TBX1: variants seen among roughly 807,000 people sequenced by gnomAD.
TBX1 encodes T-box transcription factor 1.
TBX1 carries 16 observed loss-of-function variants against 40.8 expected under a neutral mutation model. The observed-to-expected ratio is 0.39, with a 90% CI of 0.27 to 0.60. TBX1 has a LOEUF of 0.60. Ranked by LOEUF, TBX1 falls within the 20% of genes least tolerant of loss-of-function variation. The pLI is 0.51. For missense variants in TBX1, 755 were observed against 728.5 expected (o/e 1.04, Z -0.42); for synonymous variants, 403 against 336.8 (o/e 1.20, Z -2.15).
downstream of TBX1, among the ~76,000 whole-genome samples, chr22:19,770,716 G>T (rs897169126): frequency 1.3e-5 from 2 of 152,216 alleles, no homozygotes; most frequent in African/African-American, 4.8e-5. Flanking sequence ...TGAGGCTGAG[G>T]CCCTGATCTC....
downstream of TBX1, among the ~76,000 whole-genome samples, chr22:19,771,195 G>T (rs1936984563): frequency 6.6e-6 from 1 of 152,202 alleles, no homozygotes; most frequent in African/African-American, 2.4e-5. Flanking sequence ...TGCAGAGCCT[G>T]GCCAAGGAGC....
chr22:19,769,476 C>T (rs929499858), downstream of TBX1, among the ~76,000 whole-genome samples: 1 of 152,246 alleles, frequency 6.6e-6, no homozygotes, highest in Non-Finnish European at 1.5e-5. Context: ...AATGAGAGCT[C>T]GCAGGCCGGC....
intron 2 of TBX1, 33 bp downstream of exon 2, chr22:19,763,375 G>C: frequency 6.2e-7 from 1 of 1,606,420 alleles, no homozygotes; most frequent in South Asian, 1.1e-5. Context: ...GAGGGACCGG[G>C]AGGGCACCCT....
chr22:19,783,373 T>A (rs1009727340), downstream of TBX1: 4 of 351,680 alleles, frequency 1.1e-5, no homozygotes, highest in African/African-American at 8.5e-5. Context: ...GGGACAGATG[T>A]GCTGCTGTTC....
rs764197422 is a variant in TBX1, at chr22:19,766,754, G to T, written c.1402G>T (p.Val468Leu). 2 of 1,527,996 alleles carry T rather than the reference G, an allele frequency of 1.3e-6. No homozygotes were observed. The highest frequency in any genetic ancestry group is 2.4e-5 in the South Asian group (2 of 83,442). The allele number at this position is 1,527,996 out of a possible 1,614,324, so 94.7% of individuals were successfully genotyped here. A position where few individuals can be genotyped will look rare whatever the true frequency, so the allele number is the denominator to read the frequency against. ...GCATCCGCACCACCACCACCACCCC[G>T]TGAGTCCAGCCGCCGCGGCCGCCGC... ...HAHPHHHHHP[V>L]SPAAAAAAAA... is the part of the protein sequence containing the mutation. Residue 468 changes from valine (V) to leucine (L), a missense_variant, in exon 7 of 7, where the codon GTG becomes TTG. Coordinates refer to ENST00000649276, the MANE Select transcript of TBX1 (RefSeq NM_001379200.1).
At chr22:19,763,372 C>A (rs374329157) in intron 2 of TBX1, 30 bp downstream of exon 2, 2 of 1,606,010 alleles carry the variant, frequency 1.2e-6, no homozygotes, top group African/African-American at 1.3e-5. Flanking sequence ...CGTGAGGGAC[C>A]GGGAGGGCAC....
Position 19,766,890 on chromosome 22 carries a change from C to T in TBX1, c.*23C>T, listed in dbSNP as rs760927067. On this transcript the variant is annotated 3_prime_UTR_variant, in exon 7 of 7. Coordinates refer to ENST00000649276, the MANE Select transcript of TBX1 (RefSeq NM_001379200.1). ...TAACACGGGCCCTGTCGCGCTCCCG[C>T]CCCGGTCCTGCACAGCCCCGAAGTT... 1.3e-5 allele frequency: 21 copies of T among 1,583,498 alleles called. No homozygotes were observed. The South Asian group carries it at 1.9e-4, about 14-fold the overall frequency.
Position 19,764,354 on chromosome 22 carries a change from T to A in TBX1, c.711+28T>A, listed in dbSNP as rs572452193. 8.6e-5 allele frequency: 138 copies of A among 1,605,200 alleles called. 2 individuals carry two copies. The South Asian group carries it at 1.4e-3, about 16-fold the overall frequency. ...GAGCGACTGCCTCCCCAGGCTCCGG[T>A]GTCCCCCAAGGCCTCGAGTCCCGAG... On this transcript the variant is annotated intron_variant, in intron 3 of 6. Coordinates refer to ENST00000649276, the MANE Select transcript of TBX1 (RefSeq NM_001379200.1).
At position 19,760,781 on chromosome 22, in the gene TBX1, C is replaced by T. The variant is rs1488379755; in HGVS notation, c.-63C>T. 2 of 449,852 alleles carry T rather than the reference C, an allele frequency of 4.4e-6. No homozygotes were observed. Among genetic ancestry groups the T allele is most frequent in the Admixed American group, 8.5e-5 (1 of 11,702 alleles). The allele number at this position is 449,852 out of a possible 1,614,324, so 27.9% of individuals were successfully genotyped here. Reference sequence around the variant, plus strand: ...CGCACGCAGCGCGGCGCCCGCCACTCGGCCCGCGGCGCGGGGCAGCGCTCA... The same window carrying T: ...CGCACGCAGCGCGGCGCCCGCCACTTGGCCCGCGGCGCGGGGCAGCGCTCA... On this transcript the variant is annotated 5_prime_UTR_variant, in exon 1 of 7. Coordinates refer to ENST00000649276, the MANE Select transcript of TBX1 (RefSeq NM_001379200.1).
downstream of TBX1, among the ~76,000 whole-genome samples, chr22:19,781,087 T>C (rs1384960582): frequency 6.6e-6 from 1 of 152,118 alleles, no homozygotes; most frequent in Non-Finnish European, 1.5e-5. Context: ...CGGCCCTGTT[T>C]TGTTTTTATT....
At chr22:19,767,403 G>A (rs1936902028), downstream of TBX1, 8 of 985,790 alleles carry the variant, frequency 8.1e-6, no homozygotes, top group Non-Finnish European at 9.6e-6. Context: ...AGCGAGCCCG[G>A]GGTAGCTCAG....
chr22:19,764,409 A>G, intron 3 of TBX1, 83 bp downstream of exon 3: 2 of 1,560,670 alleles, frequency 1.3e-6, no homozygotes, highest in Non-Finnish European at 1.7e-6. Context: ...AGGCCTGTAG[A>G]ATCCCCAGGC....
In TBX1 at chr22:19,767,118, G is replaced by A; in HGVS notation, c.*251G>A. 1 of 1,243,528 alleles carries A rather than the reference G, an allele frequency of 8.0e-7. No homozygotes were observed. Among genetic ancestry groups the A allele is most frequent in the Non-Finnish European group, 1.0e-6 (1 of 994,966 alleles). The allele number at this position is 1,243,528 out of a possible 1,614,324, so 77.0% of individuals were successfully genotyped here. ...TTCCCCGGCCCCGAGGGCCAAGGGG[G>A]TCCCCGCCCGCCAGTGCCAAAGCGC... On this transcript the variant is annotated 3_prime_UTR_variant, in exon 7 of 7. Coordinates refer to ENST00000649276, the MANE Select transcript of TBX1 (RefSeq NM_001379200.1).
chr22:19,768,731 G>C (rs1056708687), downstream of TBX1, among the ~76,000 whole-genome samples: 1 of 152,134 alleles, frequency 6.6e-6, no homozygotes, highest in South Asian at 2.1e-4. Context: ...CGAGACCTCC[G>C]CCTTGGTTTT....
chr22:19,766,882 C>G lies in TBX1; in HGVS notation c.*15C>G. The G allele has an allele frequency of 3.2e-6, 5 of 1,584,610 alleles. No homozygotes were observed. Among genetic ancestry groups the G allele is most frequent in the Non-Finnish European group, 4.3e-6 (5 of 1,173,700 alleles). ...GCCCCAGATAACACGGGCCCTGTCG[C>G]GCTCCCGCCCCGGTCCTGCACAGCC... On this transcript the variant is annotated 3_prime_UTR_variant, in exon 7 of 7. Transcript: ENST00000649276.
downstream of TBX1, among the ~76,000 whole-genome samples, chr22:19,770,676 G>T (rs182395089): frequency 1.2e-3 from 187 of 152,338 alleles, no homozygotes; most frequent in Middle Eastern, 0.02. Flanking sequence ...AGTCCATGGG[G>T]TGTGTGGGAT....
chr22:19,762,481 T>C (rs1936701349), intron 1 of TBX1, among the ~76,000 whole-genome samples: 1 of 152,224 alleles, frequency 6.6e-6, no homozygotes, highest in Non-Finnish European at 1.5e-5. Context: ...GCCCATGGCC[T>C]ACACCCGTCC....
chr22:19,760,212 G>GT (rs71761160), upstream of TBX1, among the ~76,000 whole-genome samples: 2,963 of 125,838 alleles, frequency 0.024, 88 homozygotes, highest in African/African-American at 0.077. Flanking sequence ...AAAGACTTTA[G>GT]TTTTTTTTTT....
At chr22:19,780,449 C>G (rs2145852693), downstream of TBX1, among the ~76,000 whole-genome samples, 1 of 152,296 alleles carries the variant, frequency 6.6e-6, no homozygotes, top group African/African-American at 2.4e-5. Context: ...GTCGGAACTC[C>G]CTGCCTTTAT....
Sources: gnomAD v4.1 joint callset for allele counts (sites outside exome capture counted in the v4.1 genomes callset) on GRCh38, gnomAD v4.1.1 for gene constraint, MANE v1.5 for transcripts, NCBI Gene and HGNC (gene_info 2026-07-23, HGNC 2026-07-21) for gene names.